The following SEC24A variants were observed in gnomAD, a reference collection of about 807,000 sequenced individuals.
SEC24A encodes the protein protein transport protein Sec24A.
Under a neutral mutation model 129.4 loss-of-function variants are expected in SEC24A, and 93 were observed. The observed-to-expected ratio is 0.72, with a 90% CI of 0.61 to 0.85. The LOEUF (loss-of-function observed/expected upper bound fraction) is 0.85, where lower values mean the gene tolerates loss of function less well. Ranked by LOEUF, SEC24A falls within the 40% of genes least tolerant of loss-of-function variation. The pLI, the probability that SEC24A is intolerant of heterozygous loss-of-function variation, is 0.00. For synonymous variants in SEC24A, 460 were observed against 467.3 expected, an observed-to-expected ratio of 0.98 and a Z score of 0.20; for missense variants, 1,264 against 1,307.4, an observed-to-expected ratio of 0.97 and a Z score of 0.51.
rs1317342773 is a variant in SEC24A at position 134,721,029 on chromosome 5, C to T, written c.3002C>T (p.Thr1001Ile). The change falls in exon 21 of 23, where the codon ACA becomes ATA. Residue 1001 changes from threonine (T) to isoleucine (I), a missense_variant. By Grantham distance (89) the Thr-to-Ile change is moderately conservative. Coordinates refer to ENST00000398844, the MANE Select transcript of SEC24A (RefSeq NM_021982.3). ...ATGCTTTGGGTTGGAAAAAATTGTA[C>T]ACAGAATTTTCTCAGCCAAGTTCTA... ...VLMLWVGKNCTQNFLSQVLGV... is the reference protein window; with the variant it reads ...VLMLWVGKNCIQNFLSQVLGV... The T allele has an allele frequency of 3.7e-6, 6 of 1,612,634 alleles. No individual in the cohort carries two copies. In the East Asian group the frequency reaches 8.9e-5, roughly 24 times the overall value.
At chr5:134,718,034 A>G (rs574385781) in intron 19 of SEC24A, 35 bp from the exon 20 acceptor site, 2 of 1,517,706 alleles carry the variant, frequency 1.3e-6, no homozygotes, top group East Asian at 2.3e-5. Context: ...TATTTCCTAT[A>G]TTTAAAACCT....
At chr5:134,679,755 A>G (rs2150086205) in intron 8 of SEC24A, 27 bp downstream of exon 8, 4 of 1,534,430 alleles carry the variant, frequency 2.6e-6, no homozygotes. Flanking sequence ...TGAAACATTT[A>G]AACGTTTCTA....
intron 9 of SEC24A, among the ~76,000 whole-genome samples, chr5:134,682,904 T>C (rs1020184258): frequency 6.6e-6 from 1 of 152,162 alleles, no homozygotes; most frequent in Non-Finnish European, 1.5e-5. Flanking sequence ...AGTGTAATAC[T>C]TGTTTATTAC....
intron 15 of SEC24A, 48 bp downstream of exon 15, chr5:134,698,105 C>A: frequency 6.7e-7 from 1 of 1,481,804 alleles, no homozygotes. Context: ...TTTTTGGTTT[C>A]AGTAAATGTA....
intron 16 of SEC24A, among the ~76,000 whole-genome samples, chr5:134,704,688 A>G (rs1294749694): frequency 6.6e-6 from 1 of 151,772 alleles, no homozygotes; most frequent in East Asian, 1.9e-4. Flanking sequence ...TGGTAGTCCT[A>G]CCTACTTGGG....
At chr5:134,671,708 T>C in intron 3 of SEC24A, 101 bp from the exon 4 acceptor site, 1 of 690,256 alleles carries the variant, frequency 1.4e-6, no homozygotes, top group Non-Finnish European at 2.3e-6. Context: ...AAATTATTTG[T>C]TGTTTAGAAA....
intron 9 of SEC24A, among the ~76,000 whole-genome samples, chr5:134,686,585 ACT>A (rs1262220592): frequency 6.6e-6 from 1 of 151,794 alleles, no homozygotes; most frequent in Non-Finnish European, 1.5e-5. Flanking sequence ...TAGAGAAAAC[ACT>A]CTTCTGAATT....
At chr5:134,723,710 G>T in intron 22 of SEC24A, 40 bp downstream of exon 22, 1 of 1,271,896 alleles carries the variant, frequency 7.9e-7, no homozygotes, top group Non-Finnish European at 1.1e-6. Context: ...AAAACAATTT[G>T]TTTGGCCTTG....
In SEC24A at chr5:134,725,980, G is replaced by A. The variant is rs1428086063; in HGVS notation, c.*886G>A. The A allele has an allele frequency of 1.3e-5, 2 of 152,196 alleles. No individual in the cohort carries two copies. Among genetic ancestry groups the A allele is most frequent in the Non-Finnish European group, 2.9e-5 (2 of 67,932 alleles). The allele number at this position is 152,196 out of a possible 1,614,324, so 9.4% of individuals were successfully genotyped here. A position where few individuals can be genotyped will look rare whatever the true frequency, so the allele number is the denominator to read the frequency against. On this transcript the variant is annotated 3_prime_UTR_variant, in exon 23 of 23. Transcript: ENST00000398844. ...TTTTTGGTGAAATGAGTGAAGAAAT[G>A]AAAGGTTTCTAAAGTGCTATCCAAA... is the stretch of plus-strand genomic sequence containing the variant.
chr5:134,655,836 T>A (rs1373076541), intron 1 of SEC24A, among the ~76,000 whole-genome samples: 1 of 152,076 alleles, frequency 6.6e-6, no homozygotes, highest in African/African-American at 2.4e-5. Flanking sequence ...AGGGTAGTTA[T>A]GGTTTTCTTT....
intron 9 of SEC24A, among the ~76,000 whole-genome samples, chr5:134,684,883 C>T (rs1196054063): frequency 6.6e-6 from 1 of 152,092 alleles, no homozygotes; most frequent in African/African-American, 2.4e-5. Flanking sequence ...GCAAAAATTG[C>T]TTCCTTTAAA....
chr5:134,652,858 G>A (rs1485016140), intron 1 of SEC24A, among the ~76,000 whole-genome samples: 4 of 152,006 alleles, frequency 2.6e-5, no homozygotes, highest in Admixed American at 2.6e-4. Flanking sequence ...GCAGTGGTGC[G>A]ATCTTGGCTC....
intron 8 of SEC24A, 98 bp from the exon 9 acceptor site, chr5:134,682,275 G>A (rs1259957860): frequency 1.5e-5 from 9 of 607,066 alleles, no homozygotes; most frequent in Non-Finnish European, 2.6e-5. Context: ...GACATTTAAT[G>A]AATGTTTGTC....
intron 3 of SEC24A, among the ~76,000 whole-genome samples, chr5:134,670,155 A>T (rs1750808410): frequency 6.6e-6 from 1 of 152,080 alleles, no homozygotes; most frequent in African/African-American, 2.4e-5. Flanking sequence ...TGAACTCCTG[A>T]GCTCAAGTGA....
chr5:134,688,358 C>T (rs1016202769), intron 11 of SEC24A, 59 bp downstream of exon 11: 9 of 1,025,422 alleles, frequency 8.8e-6, no homozygotes, highest in African/African-American at 1.6e-5. Flanking sequence ...TTCTTGATTA[C>T]TTGACAAATT....
intron 15 of SEC24A, chr5:134,701,043 C>T (rs1338014088): frequency 1.3e-5 from 2 of 150,712 alleles, no homozygotes; most frequent in African/African-American, 4.9e-5. Context: ...GGTGGTGTTT[C>T]GCCATGTTGG....
Position 134,693,803 on chromosome 5 carries a change from C to T in SEC24A, c.1856C>T (p.Ala619Val), listed in dbSNP as rs757786323. Residue 619 changes from alanine to valine, a missense_variant, in exon 13 of 23, where the codon GCA becomes GTA. Coordinates refer to ENST00000398844, the MANE Select transcript of SEC24A (RefSeq NM_021982.3). Reference sequence around the variant, plus strand: ...GAGACCCAGAGTGCCTTGGGTCCTGCACTGCAGGCTGCCTTTAAGCTGATG... The same window carrying T: ...GAGACCCAGAGTGCCTTGGGTCCTGTACTGCAGGCTGCCTTTAAGCTGATG... ...TLETQSALGP[A>V]LQAAFKLMSP... 3 of 1,614,032 alleles carry T rather than the reference C, an allele frequency of 1.9e-6. No homozygotes were observed. Among genetic ancestry groups the T allele is most frequent in the Middle Eastern group, 1.6e-4 (1 of 6,080 alleles).
chr5:134,708,442 A>G (rs1261582818), intron 17 of SEC24A, among the ~76,000 whole-genome samples: 2 of 152,202 alleles, frequency 1.3e-5, no homozygotes, highest in Non-Finnish European at 2.9e-5. Context: ...AAAGTGTTGG[A>G]TTACAATCAG....
chr5:134,662,749 C>T (rs1475719958), intron 2 of SEC24A, among the ~76,000 whole-genome samples: 2 of 152,166 alleles, frequency 1.3e-5, no homozygotes, highest in Non-Finnish European at 2.9e-5. Context: ...TTCTGACCTG[C>T]AATTAGTAGA....
Sources: allele counts gnomAD v4.1 joint callset (sites outside exome capture counted in the v4.1 genomes callset), GRCh38; gene constraint gnomAD v4.1.1; transcripts MANE v1.5; gene names NCBI Gene and HGNC (gene_info 2026-07-23, HGNC 2026-07-21).